KLF16: variants seen among roughly 807,000 people sequenced by gnomAD.
KLF16 encodes the protein KLF transcription factor 16, also known as Krueppel-like factor 16.
In KLF16, 6 loss-of-function variants were observed where a neutral mutation model predicts 6.1. The ratio of observed to expected loss-of-function variants is 0.98; its 90% CI spans 0.54 to 1.93. The LOEUF is 1.93. Among genes scored for constraint, KLF16 ranks in the 30% most tolerant of loss-of-function variants. KLF16 has a pLI of 0.01. For synonymous variants in KLF16, 211 were observed against 176.5 expected, an observed-to-expected ratio of 1.20 and a Z score of -1.55; for missense variants, 355 against 363.8, an observed-to-expected ratio of 0.98 and a Z score of 0.20.
upstream of KLF16, among the ~76,000 whole-genome samples, chr19:1,865,975 G>A (rs990509001): frequency 1.1e-4 from 16 of 152,182 alleles, no homozygotes; most frequent in Middle Eastern, 3.4e-3. Context: ...ACCAGCCGGG[G>A]CAACGTAATG....
At chr19:1,862,983 C>A in intron 1 of KLF16, 58 bp downstream of exon 1, 2 of 1,090,310 alleles carry the variant, frequency 1.8e-6, no homozygotes, top group Non-Finnish European at 2.3e-6. Flanking sequence ...GGGGTCCTGG[C>A]GGGGGAGGGG....
chr19:1,870,109 T>G, the KLF16 span, among the ~76,000 whole-genome samples: 1 of 151,442 alleles, frequency 6.6e-6, no homozygotes, highest in East Asian at 2.0e-4. Flanking sequence ...ATTTTGTATT[T>G]TTAGTAGAGA....
At chr19:1,859,354 T>C (rs1266043927) in intron 1 of KLF16, among the ~76,000 whole-genome samples, 1 of 151,010 alleles carries the variant, frequency 6.6e-6, no homozygotes, top group Non-Finnish European at 1.5e-5. Flanking sequence ...TCCTGAGGAG[T>C]CTCCCTCCAA....
Position 1,857,043 on chromosome 19 carries a change from C to T in KLF16, c.458-2283G>A, listed in dbSNP as rs988104461. On this transcript the variant is annotated intron_variant, in intron 1 of 1. Transcript: ENST00000250916. The surrounding 1 kb of genome is among the most constrained non-coding windows in gnomAD (Gnocchi z 4.7). ...GCGGCGGCGGCGGGGACATCCGCAG[C>T]CCCAGCCGGCCCCGCTCACGTGGTC... 6.6e-6 allele frequency among the ~76,000 whole-genome samples: 1 copy of T among 151,272 alleles called. No individual in the cohort carries two copies. The highest frequency in any genetic ancestry group is 2.4e-5 in the African/African-American group (1 of 40,930).
At chr19:1,867,730 G>A (rs1368563018), upstream of KLF16, among the ~76,000 whole-genome samples, 1 of 152,152 alleles carries the variant, frequency 6.6e-6, no homozygotes. Flanking sequence ...GCCAGGTGTG[G>A]TGGGGGGCCG....
In KLF16 at chr19:1,863,101, C is replaced by G. The variant is rs770017956; in HGVS notation, c.397G>C (p.Asp133His). 1 of 1,398,374 alleles carries G rather than the reference C, an allele frequency of 7.2e-7. No homozygotes were observed. Among genetic ancestry groups the G allele is most frequent in the Non-Finnish European group, 9.5e-7 (1 of 1,057,384 alleles). The allele number at this position is 1,398,374 out of a possible 1,614,324, so 86.6% of individuals were successfully genotyped here. The part of the protein sequence containing the change: ...AAKSHRCPFP[D>H]CAKAYYKSSH... ...GACTTGTAGTAGGCTTTGGCGCAGT[C>G]CGGGAAGGGACAGCGGTGGCTCTTG... The change falls in exon 1 of 2, where the codon GAC becomes CAC. Residue 133 changes from aspartate (D) to histidine (H), a missense_variant. By Grantham distance (81) the Asp-to-His change is moderately conservative (BLOSUM62 -1). Coordinates refer to ENST00000250916, the MANE Select transcript of KLF16 (RefSeq NM_031918.4).
At chr19:1,865,623 G>C (rs1308869117), upstream of KLF16, among the ~76,000 whole-genome samples, 3 of 152,204 alleles carry the variant, frequency 2.0e-5, no homozygotes, top group Non-Finnish European at 4.4e-5. Flanking sequence ...AGACTCCATT[G>C]TCTGCCCACT....
At chr19:1,868,227 A>T, upstream of KLF16, among the ~76,000 whole-genome samples, 1 of 152,048 alleles carries the variant, frequency 6.6e-6, no homozygotes, top group East Asian at 1.9e-4. Flanking sequence ...GGCTGGACTG[A>T]GGGACTCGCT....
chr19:1,871,460 A>T, the KLF16 span, among the ~76,000 whole-genome samples: 1 of 152,166 alleles, frequency 6.6e-6, no homozygotes, highest in Non-Finnish European at 1.5e-5. Context: ...GATTGTCAAC[A>T]AAACCCTAAA....
the KLF16 span, among the ~76,000 whole-genome samples, chr19:1,874,240 G>C: frequency 6.6e-6 from 1 of 152,066 alleles, no homozygotes; most frequent in African/African-American, 2.4e-5. Flanking sequence ...AAAAAGAAAC[G>C]TGCAAAATAA....
At position 1,857,226 on chromosome 19, in the gene KLF16, A is replaced by C. The variant is rs191551689; in HGVS notation, c.458-2466T>G. Among the ~76,000 whole-genome samples the C allele has an allele frequency of 5.6e-3, 855 of 152,296 alleles. 4 individuals are homozygous for C. Among genetic ancestry groups the C allele is most frequent in the South Asian group, 0.014 (67 of 4,834 alleles). ...CTACCCACCCACGCTGCGCTGGGCG[A>C]AGCGCCTCTGCGAAATGCCAGGCCC... On this transcript the variant is annotated intron_variant, in intron 1 of 1. Coordinates refer to ENST00000250916, the MANE Select transcript of KLF16 (RefSeq NM_031918.4). The surrounding 1 kb of genome is among the most constrained non-coding windows in gnomAD (Gnocchi z 4.7).
chr19:1,856,440 C>T (rs1286455832), intron 1 of KLF16, among the ~76,000 whole-genome samples: 1 of 152,206 alleles, frequency 6.6e-6, no homozygotes, highest in Admixed American at 6.5e-5. Flanking sequence ...CAGCAGCCCC[C>T]CTCCCCAAGA....
chr19:1,874,037 C>T, the KLF16 span, among the ~76,000 whole-genome samples: 8 of 152,222 alleles, frequency 5.3e-5, no homozygotes, highest in Admixed American at 2.0e-4. Context: ...CCAAATACTT[C>T]GATTTCCAAA....
At chr19:1,856,950 C>CGGGGGGGGGGGGGGGGGGGG (rs946961126) in intron 1 of KLF16, among the ~76,000 whole-genome samples, 2 of 43,262 alleles carry the variant, frequency 4.6e-5, no homozygotes, top group Admixed American at 2.6e-4. Context: ...AGCAGGTTGC[C>CGGGGGGGGGGGGGGGGGGGG]GGGGTGGGGG....
In KLF16 at chr19:1,863,378, G is replaced by T; in HGVS notation, c.120C>A (p.Gly40=). 2 of 983,028 alleles carry T rather than the reference G, an allele frequency of 2.0e-6. No homozygotes were observed. Among genetic ancestry groups the T allele is most frequent in the Non-Finnish European group, 2.4e-6 (2 of 830,298 alleles). The allele number at this position is 983,028 out of a possible 1,614,324, so 60.9% of individuals were successfully genotyped here. ...CGCGGCGCGCCGCGCGCACATCCAGGCCGGCGGCGGGGCCCGCGCCCTCGG... is the reference window on the plus strand; with the variant it reads ...CGCGGCGCGCCGCGCGCACATCCAGTCCGGCGGCGGGGCCCGCGCCCTCGG... The part of the protein sequence containing the change: ...PGPEGAGPAA[G]LDVRAARREA... Residue 40 remains glycine (G), a synonymous_variant, in exon 1 of 2, where the codon GGC becomes GGA. Coordinates refer to ENST00000250916, the MANE Select transcript of KLF16 (RefSeq NM_031918.4).
the KLF16 span, among the ~76,000 whole-genome samples, chr19:1,874,373 A>G: frequency 2.6e-5 from 4 of 152,198 alleles, no homozygotes; most frequent in Non-Finnish European, 2.9e-5. Flanking sequence ...CAGTGGGGAA[A>G]AGAATGCTTT....
At chr19:1,865,343 G>A (rs1043632354), upstream of KLF16, among the ~76,000 whole-genome samples, 1 of 152,240 alleles carries the variant, frequency 6.6e-6, no homozygotes, top group Non-Finnish European at 1.5e-5. Flanking sequence ...AGGACGATGG[G>A]CCACTTGGGC....
chr19:1,870,230 A>G, the KLF16 span, among the ~76,000 whole-genome samples: 50 of 151,510 alleles, frequency 3.3e-4, no homozygotes, highest in African/African-American at 1.2e-3. Context: ...ACACCCGGCC[A>G]AAACTTACTT....
chr19:1,855,703 G>A lies in KLF16; in HGVS notation c.458-943C>T, dbSNP rs1213936617. ...TCTCACGCCCACAGCATGTGGCATC[G>A]TGATGTCAGCGTCTCCCCAGCAGAT... On this transcript the variant is annotated intron_variant, in intron 1 of 1. Coordinates refer to ENST00000250916, the MANE Select transcript of KLF16 (RefSeq NM_031918.4). 6.6e-5 allele frequency among the ~76,000 whole-genome samples: 10 copies of A among 152,346 alleles called. No homozygotes were observed. In the South Asian group the frequency reaches 1.9e-3, roughly 28 times the overall value.
Sources: allele counts gnomAD v4.1 joint callset (sites outside exome capture counted in the v4.1 genomes callset), GRCh38; gene constraint gnomAD v4.1.1; non-coding constraint Gnocchi (gnomAD v3.1); transcripts MANE v1.5; gene names NCBI Gene and HGNC (gene_info 2026-07-23, HGNC 2026-07-21).